Variants in VGLL1 observed in about 807,000 individuals in gnomAD.
VGLL1 encodes vestigial like family member 1, also known as transcription cofactor vestigial-like protein 1.
VGLL1 carries 4 observed loss-of-function variants against 12.0 expected under a neutral mutation model. The observed-to-expected ratio is 0.33, with a 90% CI of 0.16 to 0.76. VGLL1 has a LOEUF of 0.76. Among genes scored for constraint, VGLL1 ranks in the 30% least tolerant of loss-of-function variants. The pLI is 0.60. For synonymous variants in VGLL1, 87 were observed against 81.2 expected (o/e 1.07, Z -0.39); for missense variants, 204 against 208.7 (o/e 0.98, Z 0.14).
At chrX:136,538,669 G>T (rs748027486) in intron 2 of VGLL1, among the ~76,000 whole-genome samples, 2 of 112,881 alleles carry the variant, frequency 1.8e-5, no homozygotes, top group Non-Finnish European at 3.7e-5. Context: ...TCCAGGCAAA[G>T]AGCTCCCCTG....
Position 136,550,817 on chromosome X carries a change from T to C in VGLL1, c.684T>C (p.Asn228=), listed in dbSNP as rs2075883657. ...SRGSASTSLP[N]ETLSELETPG... ...GATCTGCCAGTACCAGCCTTCCAAA[T>C]GAAAGTAGGTATCTGGGCCAGCCTT... Residue 228 remains asparagine (N), a synonymous_variant, in exon 4 of 5, where the codon AAT becomes AAC. Transcript: ENST00000370634. The C allele has an allele frequency of 8.3e-7, 1 of 1,206,748 alleles. No homozygotes were observed. The highest frequency in any genetic ancestry group is 1.1e-6 in the Non-Finnish European group (1 of 891,580).
At chrX:136,542,992 A>T (rs983799395) in intron 2 of VGLL1, among the ~76,000 whole-genome samples, 1 of 111,807 alleles carries the variant, frequency 8.9e-6, no homozygotes, top group African/African-American at 3.3e-5. Context: ...CATTTTCCTG[A>T]TGAGGAAACT....
chrX:136,545,252 G>A (rs967676552), intron 2 of VGLL1, among the ~76,000 whole-genome samples: 3 of 111,813 alleles, frequency 2.7e-5, no homozygotes, highest in Non-Finnish European at 3.8e-5. Flanking sequence ...TGCTCTCTTC[G>A]ATTTAGAAAG....
chrX:136,556,362 C>G, intron 4 of VGLL1, 89 bp from the exon 5 acceptor site: 1 of 699,691 alleles, frequency 1.4e-6, no homozygotes, highest in South Asian at 2.5e-5. Context: ...TCTGACATCC[C>G]ACAGGTGTTC....
chrX:136,553,466 A>G (rs1328033486), intron 4 of VGLL1, among the ~76,000 whole-genome samples: 1 of 109,197 alleles, frequency 9.2e-6, no homozygotes, highest in Non-Finnish European at 1.9e-5. Flanking sequence ...ACCCGCCACA[A>G]TGCCTGGCTA....
chrX:136,549,045 C>CCA, intron 3 of VGLL1, 37 bp downstream of exon 3: 1 of 1,170,333 alleles, frequency 8.5e-7, no homozygotes, highest in African/African-American at 1.8e-5. Context: ...AGGGGTGCCT[C>CCA]TGATTGGTTG....
chrX:136,542,559 A>G (rs919451843), intron 2 of VGLL1, among the ~76,000 whole-genome samples: 3 of 112,500 alleles, frequency 2.7e-5, no homozygotes, highest in African/African-American at 9.7e-5. Flanking sequence ...GGTGCTCATT[A>G]CCCAGTTTAT....
At chrX:136,551,729 G>C (rs2075886918) in intron 4 of VGLL1, among the ~76,000 whole-genome samples, 1 of 111,446 alleles carries the variant, frequency 9.0e-6, no homozygotes. Context: ...AAACCATCAA[G>C]AATTCTTTTT....
chrX:136,547,352 G>A lies in VGLL1; in HGVS notation c.215-1237G>A, dbSNP rs746158384. ...GGACATTTGAGATCTCAGATTCAGC[G>A]GCTATCATAGGCACAATAAGAATAG... On this transcript the variant is annotated intron_variant, in intron 2 of 4. Transcript: ENST00000370634. 2.1e-4 allele frequency among the ~76,000 whole-genome samples: 23 copies of A among 112,041 alleles called. No individual in the cohort carries two copies. In the East Asian group the frequency reaches 4.5e-3, roughly 22 times the overall value.
intron 1 of VGLL1, among the ~76,000 whole-genome samples, chrX:136,532,637 CTTTCTT>C (rs2075827528): frequency 1.1e-5 from 1 of 91,962 alleles, no homozygotes. Flanking sequence ...TTCTTTCTTT[CTTTCTT>C]TCTTTCTTTC....
At chrX:136,536,357 C>A in intron 2 of VGLL1, 123 bp downstream of exon 2, 1 of 677,024 alleles carries the variant, frequency 1.5e-6, no homozygotes, top group Non-Finnish European at 2.2e-6. Flanking sequence ...GTTGCTCTGA[C>A]TAGTGAGAAG....
intron 2 of VGLL1, among the ~76,000 whole-genome samples, chrX:136,544,029 A>C (rs1456352332): frequency 3.6e-5 from 4 of 112,269 alleles, no homozygotes; most frequent in African/African-American, 1.3e-4. Flanking sequence ...CAAAAACCAC[A>C]TGTACATCCA....
chrX:136,536,821 G>A (rs2148529650), intron 2 of VGLL1, among the ~76,000 whole-genome samples: 1 of 111,839 alleles, frequency 8.9e-6, no homozygotes, highest in South Asian at 3.7e-4. Context: ...GTGACATAGG[G>A]GACAACCAAC....
intron 1 of VGLL1, among the ~76,000 whole-genome samples, chrX:136,532,716 T>C (rs1412224294): frequency 9.4e-6 from 1 of 106,415 alleles, no homozygotes; most frequent in East Asian, 2.9e-4. Context: ...TTTTTTTTTT[T>C]TCAGAAGTGT....
At chrX:136,550,069 A>G (rs1031749359) in intron 3 of VGLL1, among the ~76,000 whole-genome samples, 5 of 112,503 alleles carry the variant, frequency 4.4e-5, no homozygotes, top group African/African-American at 1.6e-4. Flanking sequence ...TCTAATGTGG[A>G]AAACAAATTT....
intron 1 of VGLL1, among the ~76,000 whole-genome samples, chrX:136,534,773 C>T (rs1238436810): frequency 9.0e-6 from 1 of 111,726 alleles, no homozygotes; most frequent in Non-Finnish European, 1.9e-5. Flanking sequence ...AGTAAGGGTG[C>T]AATGGATTCG....
At chrX:136,535,846 A>G (rs1015340663) in intron 1 of VGLL1, 150 bp from the exon 2 acceptor site, 3 of 441,634 alleles carry the variant, frequency 6.8e-6, no homozygotes, top group African/African-American at 5.0e-5. Flanking sequence ...ATCGTCATTG[A>G]CCTTTAGGAG....
intron 2 of VGLL1, 27 bp from the exon 3 acceptor site, chrX:136,548,562 C>T (rs752385806): frequency 8.4e-7 from 1 of 1,189,374 alleles, no homozygotes; most frequent in Admixed American, 2.2e-5. Flanking sequence ...AAACACCTAA[C>T]ATGTCTTCTA....
At chrX:136,540,697 A>T (rs758663990) in intron 2 of VGLL1, among the ~76,000 whole-genome samples, 1 of 111,825 alleles carries the variant, frequency 8.9e-6, no homozygotes, top group East Asian at 2.8e-4. Flanking sequence ...GCTGCTTTCT[A>T]AGTACCTACC....
Sources: gnomAD v4.1 joint callset for allele counts (sites outside exome capture counted in the v4.1 genomes callset) on GRCh38, gnomAD v4.1.1 for gene constraint, MANE v1.5 for transcripts, NCBI Gene and HGNC (gene_info 2026-07-23, HGNC 2026-07-21) for gene names.